PPP6R3: variants seen among roughly 807,000 people sequenced by gnomAD.
PPP6R3 encodes the protein protein phosphatase 6 regulatory subunit 3.
Under a neutral mutation model 110.7 loss-of-function variants are expected in PPP6R3, and 38 were observed. The ratio of observed to expected loss-of-function variants is 0.34; its 90% confidence interval spans 0.26 to 0.45. PPP6R3 has a LOEUF of 0.45. PPP6R3 is among the 20% of genes least tolerant of loss of function. PPP6R3 has a pLI of 1.00. For missense variants in PPP6R3, 870 were observed against 1,062.4 expected, an observed-to-expected ratio of 0.82 and a Z score of 2.52; for synonymous variants, 369 against 373.5, an observed-to-expected ratio of 0.99 and a Z score of 0.14.
intron 8 of PPP6R3, among the ~76,000 whole-genome samples, chr11:68,563,456 T>C (rs576318768): frequency 5.5e-4 from 84 of 152,366 alleles, no homozygotes; most frequent in African/African-American, 1.9e-3. Flanking sequence ...TAATCTAGGA[T>C]AATCTTTCAT....
chr11:68,545,332 G>C (rs2099345185), intron 4 of PPP6R3, among the ~76,000 whole-genome samples: 1 of 152,242 alleles, frequency 6.6e-6, no homozygotes. Flanking sequence ...AAGATGGCAA[G>C]TATAATAACT....
rs551677222 is a variant in PPP6R3 at position 68,496,674 on chromosome 11, T to C, written c.-157-22827T>C. Among the ~76,000 whole-genome samples, 3 of 151,808 alleles carry C rather than the reference T, an allele frequency of 2.0e-5. No individual in the cohort carries two copies. The East Asian group carries it at 5.8e-4, about 30-fold the overall frequency. ...TTTTAGTAGAGTCGGGGTTTTGCCA[T>C]GTTGGCCAGGCTGGTCTCAAACTCG... On this transcript the variant is annotated intron_variant, in intron 1 of 23. Coordinates refer to ENST00000393800, the MANE Select transcript of PPP6R3 (RefSeq NM_001164161.2).
intron 1 of PPP6R3, among the ~76,000 whole-genome samples, chr11:68,478,646 A>ATTTT (rs1565292839): frequency 6.5e-4 from 7 of 10,762 alleles, no homozygotes; most frequent in Non-Finnish European, 1.2e-3. Flanking sequence ...GCACTTGGTA[A>ATTTT]GTTTTTTTTT....
intron 22 of PPP6R3, among the ~76,000 whole-genome samples, chr11:68,606,478 G>T (rs112322191): frequency 5.4e-5 from 7 of 129,540 alleles, no homozygotes; most frequent in African/African-American, 1.8e-4. Flanking sequence ...AATTTATGTA[G>T]TTTTTTTTTT....
intron 13 of PPP6R3, among the ~76,000 whole-genome samples, chr11:68,574,737 A>C (rs542744816): frequency 1.3e-5 from 2 of 152,338 alleles, no homozygotes; most frequent in South Asian, 2.1e-4. Flanking sequence ...TTTCAGTTTA[A>C]TCAGCCCAAG....
At chr11:68,584,285 T>C (rs2099571419) in intron 15 of PPP6R3, among the ~76,000 whole-genome samples, 2 of 152,162 alleles carry the variant, frequency 1.3e-5, no homozygotes, top group South Asian at 2.1e-4. Context: ...CATGGCTCAT[T>C]GTGAGCCCTC....
intron 17 of PPP6R3, among the ~76,000 whole-genome samples, 176 bp downstream of exon 17, chr11:68,590,890 T>A (rs181185696): frequency 1.3e-5 from 2 of 152,308 alleles, no homozygotes; most frequent in Admixed American, 6.5e-5. Flanking sequence ...ATGTGATTTT[T>A]GCAGCCCTGG....
At chr11:68,562,537 C>G (rs1009781428) in intron 8 of PPP6R3, among the ~76,000 whole-genome samples, 13 of 152,162 alleles carry the variant, frequency 8.5e-5, no homozygotes, top group Non-Finnish European at 1.8e-4. Context: ...AAAGCGACAG[C>G]AATCAGGACA....
At chr11:68,568,448 C>A (rs2099488113) in intron 10 of PPP6R3, among the ~76,000 whole-genome samples, 1 of 152,168 alleles carries the variant, frequency 6.6e-6, no homozygotes, top group African/African-American at 2.4e-5. Context: ...CCAGACCCAA[C>A]CATTTCCTAA....
chr11:68,556,574 T>G (rs2099400511), intron 7 of PPP6R3, among the ~76,000 whole-genome samples: 1 of 151,570 alleles, frequency 6.6e-6, no homozygotes, highest in Admixed American at 6.6e-5. Context: ...AATGAGCCAT[T>G]GTCCCAAAGG....
intron 1 of PPP6R3, chr11:68,505,093 T>A (rs1315937448): frequency 3.3e-5 from 5 of 152,220 alleles, no homozygotes; most frequent in African/African-American, 1.2e-4. Context: ...TGAAGAATTT[T>A]AGGATTTGAA....
chr11:68,577,162 C>G (rs557119242), intron 14 of PPP6R3, among the ~76,000 whole-genome samples: 1 of 152,314 alleles, frequency 6.6e-6, no homozygotes, highest in East Asian at 1.9e-4. Context: ...CTGTGTACCA[C>G]AGCCCAGCAG....
chr11:68,576,469 T>C (rs2099531886), intron 14 of PPP6R3, among the ~76,000 whole-genome samples: 1 of 152,240 alleles, frequency 6.6e-6, no homozygotes, highest in African/African-American at 2.4e-5. Flanking sequence ...TCGTTTTACA[T>C]CATTCCCAAT....
chr11:68,602,072 T>TG lies in PPP6R3; in HGVS notation c.2299+105dup, dbSNP rs2099633619. On this transcript the variant is annotated intron_variant, in intron 21 of 23. Transcript: ENST00000393800. ...GGGCTAGTGGAGCCCGGGAGTGAGATGGTGGGTCTGATGTCCACAGGGCAG... is the reference window on the plus strand; with the variant it reads ...GGGCTAGTGGAGCCCGGGAGTGAGATGGGTGGGTCTGATGTCCACAGGGCAG... 7 of 859,450 alleles carry TG rather than the reference T, an allele frequency of 8.1e-6. No individual in the cohort carries two copies. In the East Asian group the frequency reaches 1.8e-4, roughly 22 times the overall value. The allele number at this position is 859,450 out of a possible 1,614,324, so 53.2% of individuals were successfully genotyped here.
intron 1 of PPP6R3, among the ~76,000 whole-genome samples, chr11:68,468,282 T>C (rs920887661): frequency 4.7e-4 from 71 of 152,356 alleles, no homozygotes; most frequent in African/African-American, 1.4e-3. Flanking sequence ...GGTAGTAGTA[T>C]GTGTCAGTTT....
intron 20 of PPP6R3, 145 bp downstream of exon 20, chr11:68,600,639 C>CA: frequency 1.1e-6 from 1 of 889,104 alleles, no homozygotes; most frequent in Admixed American, 3.1e-5. Flanking sequence ...AGCATACTAA[C>CA]ACAGCTCTGT....
chr11:68,583,212 A>G, intron 15 of PPP6R3, 83 bp downstream of exon 15: 1 of 1,068,190 alleles, frequency 9.4e-7, no homozygotes, highest in Non-Finnish European at 1.3e-6. Context: ...CTTCAGAGTC[A>G]GATTATGTAT....
intron 1 of PPP6R3, among the ~76,000 whole-genome samples, chr11:68,461,933 G>T (rs1469687882): frequency 6.6e-6 from 1 of 152,226 alleles, no homozygotes; most frequent in Non-Finnish European, 1.5e-5. Context: ...AAGTGTATGA[G>T]ACCCAGTTAT....
chr11:68,519,960 C>T (rs551599118), intron 2 of PPP6R3, among the ~76,000 whole-genome samples: 18 of 152,296 alleles, frequency 1.2e-4, no homozygotes, highest in East Asian at 1.2e-3. Context: ...AAAGACTCGC[C>T]GCCCAGGCCA....
Sources: gnomAD v4.1 joint callset for allele counts (sites outside exome capture counted in the v4.1 genomes callset) on GRCh38, gnomAD v4.1.1 for gene constraint, MANE v1.5 for transcripts, NCBI Gene and HGNC (gene_info 2026-07-23, HGNC 2026-07-21) for gene names.